ASXL2: variants seen among roughly 807,000 people sequenced by gnomAD.
ASXL2 encodes the protein putative Polycomb group protein ASXL2.
ASXL2 carries 23 observed loss-of-function variants against 122.0 expected under a neutral mutation model. The observed-to-expected ratio is 0.19, with a 90% confidence interval of 0.14 to 0.27. The LOEUF is 0.27. ASXL2 is among the 10% of genes least tolerant of loss of function. The probability of loss-of-function intolerance (pLI) is 1.00; values close to 1 mark genes in which losing one functional copy is unlikely to be tolerated. For synonymous variants in ASXL2, 650 were observed against 637.0 expected, an observed-to-expected ratio of 1.02 and a Z score of -0.31; for missense variants, 1,518 against 1,713.8, an observed-to-expected ratio of 0.89 and a Z score of 2.02.
At position 25,736,171 on chromosome 2, in the gene ASXL2, A is replaced by C. The variant is rs1480224236; in HGVS notation, c.*5858T>G. The stretch of plus-strand genomic sequence containing the variant: ...GCTGAGGTCAAGTAGTCTCAGAAGC[A>C]ATGAACACGGGTTTCTGACTCAGTG... On this transcript the variant is annotated 3_prime_UTR_variant, in exon 13 of 13. Transcript: ENST00000435504. The C allele has an allele frequency of 2.0e-5, 3 of 152,228 alleles. No individual in the cohort carries two copies. The highest frequency in any genetic ancestry group is 4.4e-5 in the Non-Finnish European group (3 of 68,030). 9.4% of individuals were successfully genotyped at this position (152,228 alleles called of 1,614,324 possible).
Position 25,741,672 on chromosome 2 carries a change from C to T in ASXL2, c.*357G>A, listed in dbSNP as rs1360201113. ...AGACAGCTTCCTTTTACCATGCCGG[C>T]ATTAAACTTTTCTCAGTCACAAGTA... On this transcript the variant is annotated 3_prime_UTR_variant, in exon 13 of 13. Transcript: ENST00000435504. 7.7e-6 allele frequency: 2 copies of T among 260,378 alleles called. No homozygotes were observed. Among genetic ancestry groups the T allele is most frequent in the Non-Finnish European group, 1.5e-5 (2 of 134,274 alleles). 16.1% of individuals were successfully genotyped at this position (260,378 alleles called of 1,614,324 possible).
At chr2:25,813,048 A>G (rs941651631) in intron 3 of ASXL2, among the ~76,000 whole-genome samples, 3 of 152,226 alleles carry the variant, frequency 2.0e-5, no homozygotes, top group Admixed American at 2.0e-4. Context: ...AGATTACTTT[A>G]AAAAGGACAT....
chr2:25,773,797 G>A (rs1022678486), intron 5 of ASXL2, among the ~76,000 whole-genome samples: 12 of 151,828 alleles, frequency 7.9e-5, no homozygotes, highest in African/African-American at 2.7e-4. Flanking sequence ...AAAGGGAGCC[G>A]AGGCAGGTGG....
Position 25,734,706 on chromosome 2 carries a change from C to T in ASXL2, c.*7323G>A, listed in dbSNP as rs912210505. 7.2e-5 allele frequency: 11 copies of T among 152,118 alleles called. No homozygotes were observed. The highest frequency in any genetic ancestry group is 2.7e-4 in the African/African-American group (11 of 41,432). 9.4% of individuals were successfully genotyped at this position (152,118 alleles called of 1,614,324 possible). On this transcript the variant is annotated 3_prime_UTR_variant, in exon 13 of 13. Coordinates refer to ENST00000435504, the MANE Select transcript of ASXL2 (RefSeq NM_018263.6). ...TGGTCTAATATAGTGTTTAGGAAGC[C>T]AAGTTCCATTTCACTTAACAGATGG... is the stretch of plus-strand genomic sequence containing the variant.
rs374285356 is a variant in ASXL2, at chr2:25,799,413, C to T, written c.375G>A (p.Glu125=). The T allele has an allele frequency of 6.2e-7, 1 of 1,613,908 alleles. No individual in the cohort carries two copies. Among genetic ancestry groups the T allele is most frequent in the South Asian group, 1.1e-5 (1 of 91,086 alleles). ...SSSSDGGSNK[E]GKKSRWKRKV... Reference sequence around the variant, plus strand: ...TCCTTTTCCACCTGCTCTTTTTTCCCTCCTTGTTGCTGCCACCATCACTGC... The same window carrying T: ...TCCTTTTCCACCTGCTCTTTTTTCCTTCCTTGTTGCTGCCACCATCACTGC... Residue 125 remains glutamate, a synonymous_variant, in exon 5 of 13, where the codon GAG becomes GAA. Coordinates refer to ENST00000435504, the MANE Select transcript of ASXL2 (RefSeq NM_018263.6).
rs1001788143 is a variant in ASXL2, at chr2:25,799,271, T to C, written c.403+114A>G. The C allele has an allele frequency of 4.9e-6, 7 of 1,419,520 alleles. No homozygotes were observed. The Admixed American group carries it at 7.0e-5, about 14-fold the overall frequency. 87.9% of individuals were successfully genotyped at this position (1,419,520 alleles called of 1,614,324 possible). A position where few individuals can be genotyped will look rare whatever the true frequency, so the allele number is the denominator to read the frequency against. ...AAAACTCTCCTTGACAGGACTGTTA[T>C]AGAGGGTAAGGGAAAGTGACTGACT... On this transcript the variant is annotated intron_variant, in intron 5 of 12. Coordinates refer to ENST00000435504, the MANE Select transcript of ASXL2 (RefSeq NM_018263.6).
At chr2:25,827,030 G>T in intron 3 of ASXL2, among the ~76,000 whole-genome samples, 1 of 147,560 alleles carries the variant, frequency 6.8e-6, no homozygotes. Flanking sequence ...TAGAGATAGG[G>T]TCTCCCTATG....
chr2:25,859,343 T>C (rs13425195), intron 1 of ASXL2, among the ~76,000 whole-genome samples: 41,923 of 152,098 alleles, frequency 0.28, 6,088 homozygotes, highest in African/African-American at 0.32. Flanking sequence ...TATTTAATTA[T>C]AGCTGAACTT....
intron 4 of ASXL2, among the ~76,000 whole-genome samples, chr2:25,803,596 AT>A (rs751689283): frequency 1.8e-4 from 28 of 152,164 alleles, no homozygotes; most frequent in East Asian, 1.7e-3. Flanking sequence ...GTGGAAGACA[AT>A]TTTTTTCACT....
In ASXL2 at chr2:25,737,345, T is replaced by A. The variant is rs1307497662; in HGVS notation, c.*4684A>T. 2.0e-5 allele frequency: 3 copies of A among 152,132 alleles called. No individual in the cohort carries two copies. The highest frequency in any genetic ancestry group is 4.8e-5 in the African/African-American group (2 of 41,438). The allele number at this position is 152,132 out of a possible 1,614,324, so 9.4% of individuals were successfully genotyped here. A position where few individuals can be genotyped will look rare whatever the true frequency, so the allele number is the denominator to read the frequency against. On this transcript the variant is annotated 3_prime_UTR_variant, in exon 13 of 13. Transcript: ENST00000435504. ...AACCTATTTTTTCCCCCGAGATATTTCCTTACCATTCTTTGATTTAGGAGC... is the reference window on the plus strand; with the variant it reads ...AACCTATTTTTTCCCCCGAGATATTACCTTACCATTCTTTGATTTAGGAGC...
chr2:25,848,311 TA>T (rs1365709080), intron 1 of ASXL2, among the ~76,000 whole-genome samples: 1 of 152,166 alleles, frequency 6.6e-6, no homozygotes, highest in Non-Finnish European at 1.5e-5. Context: ...TTAAACATCA[TA>T]AGATGTTAAG....
intron 1 of ASXL2, among the ~76,000 whole-genome samples, chr2:25,865,505 C>T (rs1392171868): frequency 2.0e-5 from 3 of 151,220 alleles, no homozygotes; most frequent in African/African-American, 2.4e-5. Context: ...TGGTGGCTCA[C>T]GCCTGTAATC....
At chr2:25,767,764 G>A in intron 7 of ASXL2, 38 bp from the exon 8 acceptor site, 2 of 1,607,266 alleles carry the variant, frequency 1.2e-6, no homozygotes, top group Non-Finnish European at 1.7e-6. Context: ...TGGTAGCACT[G>A]AGATTATAGA....
intron 5 of ASXL2, among the ~76,000 whole-genome samples, chr2:25,787,322 A>G (rs190143324): frequency 6.6e-6 from 1 of 152,302 alleles, no homozygotes; most frequent in East Asian, 1.9e-4. Context: ...CCCTCAAACT[A>G]ATGTTTCTTG....
intron 1 of ASXL2, among the ~76,000 whole-genome samples, chr2:25,875,912 T>C (rs2090006279): frequency 6.6e-6 from 1 of 152,226 alleles, no homozygotes; most frequent in Non-Finnish European, 1.5e-5. Flanking sequence ...GATTTCATTA[T>C]TCTACAGTCT....
chr2:25,757,179 C>T lies in ASXL2; in HGVS notation c.940-1065G>A, dbSNP rs570072365. On this transcript the variant is annotated intron_variant, in intron 9 of 12. Transcript: ENST00000435504. ...GGATACTCCACACAGTCAAGTATGG[C>T]TTCCAACTTTTCATTCTTTAAACAC... Among the ~76,000 whole-genome samples the T allele has an allele frequency of 2.6e-5, 4 of 152,250 alleles. No individual in the cohort carries two copies. In the East Asian group the frequency reaches 5.8e-4, roughly 22 times the overall value.
intron 3 of ASXL2, among the ~76,000 whole-genome samples, chr2:25,819,915 A>C (rs2089288860): frequency 6.6e-6 from 1 of 151,930 alleles, no homozygotes; most frequent in African/African-American, 2.4e-5. Flanking sequence ...TTATTTATTT[A>C]TTTATTTATT....
Position 25,749,865 on chromosome 2 carries a change from T to C in ASXL2, c.1691A>G (p.Glu564Gly). The change falls in exon 12 of 13, where the codon GAA (glutamate) becomes GGA (glycine). Residue 564 changes from glutamate to glycine, a missense_variant. Around this residue, in one of 8 missense-constraint regions of ASXL2, gnomAD observed 292 missense variants for 293.5 expected, o/e 1.00. Coordinates refer to ENST00000435504, the MANE Select transcript of ASXL2 (RefSeq NM_018263.6). ...PLATLVDQSP[E>G]SLKRKSSLTQ... ...GAGGGAAGACTTCCTCTTGAGGCTT[T>C]CTGGGCTCTGATCAACAAGAGTTGC... 1 of 1,611,036 alleles carries C rather than the reference T, an allele frequency of 6.2e-7. No individual in the cohort carries two copies. The highest frequency in any genetic ancestry group is 8.5e-7 in the Non-Finnish European group (1 of 1,178,926).
chr2:25,743,128 A>G lies in ASXL2; in HGVS notation c.3209T>C (p.Leu1070Pro), dbSNP rs1237425527. Residue 1070 changes from leucine (L) to proline (P), a missense_variant, in exon 13 of 13, where the codon CTC (leucine) becomes CCC (proline). Leu to Pro is a moderately conservative substitution (Grantham distance 98). This residue lies in a region of ASXL2 where 831 missense variants were observed against 833.1 expected (regional missense o/e 1.00). Coordinates refer to ENST00000435504, the MANE Select transcript of ASXL2 (RefSeq NM_018263.6). ...KATQDQILQT[L>P]IQRVRRQNLL... The stretch of plus-strand genomic sequence containing the variant: ...ATTCTGCCTCCGAACCCTCTGAATG[A>G]GAGTCTGAAGGATCTGATCTTGGGT... 1 of 1,613,954 alleles carries G rather than the reference A, an allele frequency of 6.2e-7. No individual in the cohort carries two copies. The highest frequency in any genetic ancestry group is 1.7e-5 in the Admixed American group (1 of 60,014).
Sources: allele counts gnomAD v4.1 joint callset (sites outside exome capture counted in the v4.1 genomes callset), GRCh38; gene constraint gnomAD v4.1.1; regional missense constraint gnomAD v4.1.1; transcripts MANE v1.5; gene names NCBI Gene and HGNC (gene_info 2026-07-23, HGNC 2026-07-21).